Variants in PTPRG observed in about 807,000 individuals in gnomAD.
The protein encoded by PTPRG is receptor-type tyrosine-protein phosphatase gamma.
In PTPRG, 102 loss-of-function variants were observed where a neutral mutation model predicts 165.3. The ratio of observed to expected loss-of-function variants is 0.62; its 90% CI spans 0.53 to 0.73. The LOEUF (loss-of-function observed/expected upper bound fraction) is 0.73. PTPRG is among the 30% of genes least tolerant of loss of function. The pLI is 0.00. For missense variants in PTPRG, 1,866 were observed against 1,861.4 expected, an observed-to-expected ratio of 1.00 and a Z score of -0.05; for synonymous variants, 675 against 669.5, an observed-to-expected ratio of 1.01 and a Z score of -0.13.
chr3:62,107,451 C>T (rs1559513785), intron 5 of PTPRG, among the ~76,000 whole-genome samples: 1 of 152,196 alleles, frequency 6.6e-6, no homozygotes, highest in African/African-American at 2.4e-5. Flanking sequence ...TTTTATAACT[C>T]AAACAAAATG....
At chr3:62,243,953 CTCAGTTT>C (rs1701227566) in intron 15 of PTPRG, 55 bp downstream of exon 15, 2 of 1,132,626 alleles carry the variant, frequency 1.8e-6, no homozygotes, top group African/African-American at 3.1e-5. Context: ...CTCTTTTATT[CTCAGTTT>C]TATGTGATAA....
chr3:61,681,229 T>A (rs1703431340), intron 1 of PTPRG, among the ~76,000 whole-genome samples: 1 of 152,188 alleles, frequency 6.6e-6, no homozygotes, highest in Non-Finnish European at 1.5e-5. Flanking sequence ...TTAGAATAAA[T>A]GGCATTCCTG....
intron 1 of PTPRG, among the ~76,000 whole-genome samples, chr3:61,613,166 G>A (rs1016209142): frequency 6.6e-6 from 1 of 152,144 alleles, no homozygotes; most frequent in Admixed American, 6.5e-5. Flanking sequence ...TGCATTTGCT[G>A]GCAATAGAAA....
intron 4 of PTPRG, among the ~76,000 whole-genome samples, chr3:62,044,165 G>T (rs1575930034): frequency 6.6e-6 from 1 of 152,178 alleles, no homozygotes; most frequent in South Asian, 2.1e-4. Flanking sequence ...GAAGAGTGCC[G>T]CTTCTTAGCC....
intron 4 of PTPRG, among the ~76,000 whole-genome samples, chr3:62,050,708 G>T (rs1700444530): frequency 6.6e-6 from 1 of 152,208 alleles, no homozygotes; most frequent in Admixed American, 6.5e-5. Context: ...TAACATAACT[G>T]CAAAGTCCAG....
In PTPRG at chr3:61,816,192, A is replaced by G. The variant is rs555809318; in HGVS notation, c.190+67210A>G. ...CTCCATTCAAAGTAGGAATTGTGAC[A>G]TGCTGTTGTTTTGTGTCTTGGCATT... On this transcript the variant is annotated intron_variant, in intron 2 of 29. Transcript: ENST00000474889. 1.2e-4 allele frequency among the ~76,000 whole-genome samples: 19 copies of G among 152,336 alleles called. No individual in the cohort carries two copies. In the East Asian group the frequency reaches 3.3e-3, roughly 26 times the overall value.
At chr3:61,680,213 C>T (rs1008616877) in intron 1 of PTPRG, among the ~76,000 whole-genome samples, 21 of 152,078 alleles carry the variant, frequency 1.4e-4, no homozygotes, top group Admixed American at 6.5e-5. Context: ...ATTAACAGTG[C>T]CCCCTTTCAC....
chr3:62,230,541 TGTGTGACAGAA>T (rs1293359037), intron 13 of PTPRG, among the ~76,000 whole-genome samples: 1 of 152,216 alleles, frequency 6.6e-6, no homozygotes, highest in Non-Finnish European at 1.5e-5. Context: ...CAAGTGTTCT[TGTGTGACAGAA>T]GTGCATCTTT....
chr3:61,873,394 C>T (rs1270085564), intron 2 of PTPRG, among the ~76,000 whole-genome samples: 4 of 151,952 alleles, frequency 2.6e-5, no homozygotes, highest in East Asian at 1.9e-4. Context: ...ACATCTGATA[C>T]AGAAATAGAA....
intron 2 of PTPRG, among the ~76,000 whole-genome samples, chr3:61,831,995 A>T (rs2036309426): frequency 6.6e-6 from 1 of 152,244 alleles, no homozygotes; most frequent in Admixed American, 6.5e-5. Context: ...GTAATATTTT[A>T]AAAATGTTTC....
At chr3:61,675,348 GTGGAAGTCA>G (rs1042631904) in intron 1 of PTPRG, among the ~76,000 whole-genome samples, 8 of 152,152 alleles carry the variant, frequency 5.3e-5, no homozygotes, top group African/African-American at 1.9e-4. Context: ...GGTATTATTA[GTGGAAGTCA>G]TGGTTGAGGT....
At chr3:62,098,507 G>A (rs1261415531) in intron 5 of PTPRG, among the ~76,000 whole-genome samples, 1 of 152,104 alleles carries the variant, frequency 6.6e-6, no homozygotes, top group Admixed American at 6.5e-5. Flanking sequence ...GGCAAATAAG[G>A]CATTGTCAAT....
chr3:62,144,338 A>C (rs912042721), intron 6 of PTPRG, among the ~76,000 whole-genome samples: 1 of 152,196 alleles, frequency 6.6e-6, no homozygotes, highest in Non-Finnish European at 1.5e-5. Context: ...CTTTACAGAG[A>C]TAGGTTTCAG....
In PTPRG at chr3:61,949,628, A is replaced by C. The variant is rs531530061; in HGVS notation, c.191-39997A>C. Among the ~76,000 whole-genome samples, 113 of 152,272 alleles carry C rather than the reference A, an allele frequency of 7.4e-4. 1 individual carries two copies. Among genetic ancestry groups the C allele is most frequent in the African/African-American group, 2.6e-3 (110 of 41,560 alleles). On this transcript the variant is annotated intron_variant, in intron 2 of 29. Coordinates refer to ENST00000474889, the MANE Select transcript of PTPRG (RefSeq NM_002841.4). The stretch of plus-strand genomic sequence containing the variant: ...AGAGGGGTTAAGCAACCAAGTTTCC[A>C]TGACTGTCAAATGCCAGCTCAGGTG...
intron 6 of PTPRG, among the ~76,000 whole-genome samples, chr3:62,141,876 G>C (rs1172650409): frequency 1.3e-5 from 2 of 151,902 alleles, no homozygotes; most frequent in African/African-American, 4.8e-5. Context: ...ACTCCAGCCT[G>C]GGTGACAGGG....
chr3:62,253,920 A>T (rs1178521424), intron 15 of PTPRG, among the ~76,000 whole-genome samples: 1 of 152,240 alleles, frequency 6.6e-6, no homozygotes. Flanking sequence ...TTATGAACAC[A>T]TAAGTCACCT....
intron 2 of PTPRG, among the ~76,000 whole-genome samples, chr3:61,937,937 G>GT (rs140888196): frequency 0.032 from 4,749 of 150,342 alleles, 237 homozygotes; most frequent in African/African-American, 0.1. Context: ...TTGATCTTGG[G>GT]GTTTTTTTTT....
Position 61,600,534 on chromosome 3 carries a change from T to C in PTPRG, c.85+38162T>C, listed in dbSNP as rs185006226. ...TTTGATGATGATGTGGTTTTGGTTC[T>C]TTTGTTTTTTGTTTTTGTTTTTTGA... On this transcript the variant is annotated intron_variant, in intron 1 of 29. Coordinates refer to ENST00000474889, the MANE Select transcript of PTPRG (RefSeq NM_002841.4). Among the ~76,000 whole-genome samples, 389 of 152,166 alleles carry C rather than the reference T, an allele frequency of 2.6e-3. 1 individual carries two copies. Among genetic ancestry groups the C allele is most frequent in the African/African-American group, 8.7e-3 (361 of 41,508 alleles).
At chr3:62,128,868 A>G (rs1419357179) in intron 5 of PTPRG, among the ~76,000 whole-genome samples, 1 of 151,810 alleles carries the variant, frequency 6.6e-6, no homozygotes, top group Non-Finnish European at 1.5e-5. Context: ...ACAGTGAGTG[A>G]AAGGGATTAT....
Sources: allele counts gnomAD v4.1 joint callset (sites outside exome capture counted in the v4.1 genomes callset), GRCh38; gene constraint gnomAD v4.1.1; transcripts MANE v1.5; gene names NCBI Gene and HGNC (gene_info 2026-07-23, HGNC 2026-07-21).